Variants in CSMD3 observed in about 807,000 individuals in gnomAD.
CSMD3 encodes CUB and Sushi multiple domains 3.
CSMD3 carries 177 observed loss-of-function variants against 435.2 expected under a neutral mutation model. The observed-to-expected ratio is 0.41, with a 90% CI of 0.36 to 0.46. The LOEUF (loss-of-function observed/expected upper bound fraction) is 0.46, where lower values mean the gene tolerates loss of function less well. Ranked by LOEUF, CSMD3 falls within the 20% of genes least tolerant of loss-of-function variation. The pLI, the probability that CSMD3 is intolerant of heterozygous loss-of-function variation, is 0.34. For missense variants in CSMD3, 4,265 were observed against 4,504.6 expected, an observed-to-expected ratio of 0.95 and a Z score of 1.52; for synonymous variants, 1,656 against 1,520.5, an observed-to-expected ratio of 1.09 and a Z score of -2.07.
intron 16 of CSMD3, among the ~76,000 whole-genome samples, chr8:112,680,927 G>T (rs2075876468): frequency 6.6e-6 from 1 of 151,806 alleles, no homozygotes; most frequent in African/African-American, 2.4e-5. Flanking sequence ...ATAAGAAAAA[G>T]AAACTGCTTT....
chr8:112,746,309 C>A (rs1174984887), intron 13 of CSMD3, among the ~76,000 whole-genome samples: 1 of 152,060 alleles, frequency 6.6e-6, no homozygotes, highest in Non-Finnish European at 1.5e-5. Flanking sequence ...ATGGAAGTAG[C>A]TTCCTGGTCT....
At chr8:113,407,659 T>C (rs2094538747) in intron 1 of CSMD3, among the ~76,000 whole-genome samples, 1 of 151,948 alleles carries the variant, frequency 6.6e-6, no homozygotes, top group Non-Finnish European at 1.5e-5. Context: ...ATTTCCACTG[T>C]GGAAATATCA....
chr8:112,933,551 A>C (rs2083184925), intron 9 of CSMD3, among the ~76,000 whole-genome samples: 1 of 152,126 alleles, frequency 6.6e-6, no homozygotes, highest in South Asian at 2.1e-4. Flanking sequence ...ATAGCAATGG[A>C]GTGCATCACA....
chr8:112,555,354 G>T (rs927261993), intron 25 of CSMD3, among the ~76,000 whole-genome samples: 1 of 151,884 alleles, frequency 6.6e-6, no homozygotes, highest in African/African-American at 2.4e-5. Context: ...TTTAAAAACA[G>T]CATGGCAAGT....
intron 13 of CSMD3, among the ~76,000 whole-genome samples, chr8:112,710,484 T>C (rs543696988): frequency 7.2e-5 from 11 of 152,248 alleles, no homozygotes; most frequent in African/African-American, 2.6e-4. Flanking sequence ...ACTGGCCGAT[T>C]ATGTTTTTAA....
At chr8:112,944,015 C>T (rs553795819) in intron 9 of CSMD3, among the ~76,000 whole-genome samples, 23 of 151,688 alleles carry the variant, frequency 1.5e-4, no homozygotes, top group African/African-American at 5.5e-4. Context: ...AATTATAAAA[C>T]CAAGCAGATT....
intron 23 of CSMD3, among the ~76,000 whole-genome samples, chr8:112,582,439 T>C (rs1830400518): frequency 6.6e-6 from 1 of 151,326 alleles, no homozygotes; most frequent in South Asian, 2.1e-4. Flanking sequence ...TAATATAGCA[T>C]GCTTGGTATA....
intron 4 of CSMD3, among the ~76,000 whole-genome samples, chr8:113,118,773 T>A (rs2131626523): frequency 6.6e-6 from 1 of 152,336 alleles, no homozygotes. Flanking sequence ...CTAGAAGTTT[T>A]ATTTTTGTCA....
intron 7 of CSMD3, among the ~76,000 whole-genome samples, chr8:112,958,334 C>A (rs1427547921): frequency 6.6e-6 from 1 of 152,070 alleles, no homozygotes; most frequent in Non-Finnish European, 1.5e-5. Flanking sequence ...ATTACATGTT[C>A]AGTTTGACTG....
At position 112,976,137 on chromosome 8, in the gene CSMD3, A is replaced by ACC; in HGVS notation, c.1041_1042insGG (p.Leu348GlyfsTer2). Reference sequence around the variant, plus strand: ...TCACCAGTGGAGGTAGTGTGGGTCAATGTAGAAGAACCTGTGGGACACAGT... The same window carrying ACC: ...TCACCAGTGGAGGTAGTGTGGGTCAACCTGTAGAAGAACCTGTGGGACACAGT... On this transcript the variant is annotated frameshift_variant, in exon 7 of 71. Coordinates refer to ENST00000297405, the MANE Select transcript of CSMD3 (RefSeq NM_198123.2). LOFTEE classifies it high-confidence loss of function. 6.2e-7 allele frequency: 1 copy of ACC among 1,613,982 alleles called. No homozygotes were observed. Among genetic ancestry groups the ACC allele is most frequent in the East Asian group, 2.2e-5 (1 of 44,878 alleles).
chr8:112,398,423 G>A (rs1831033942), intron 35 of CSMD3, among the ~76,000 whole-genome samples: 1 of 152,138 alleles, frequency 6.6e-6, no homozygotes, highest in Admixed American at 6.5e-5. Context: ...TCATATTGGT[G>A]GCCCCACCTC....
chr8:112,448,770 A>C (rs958345458), intron 32 of CSMD3, among the ~76,000 whole-genome samples: 4 of 151,860 alleles, frequency 2.6e-5, no homozygotes, highest in East Asian at 1.9e-4. Flanking sequence ...AAAAAAAAAA[A>C]AAAAAAAACC....
intron 4 of CSMD3, among the ~76,000 whole-genome samples, chr8:113,129,443 G>A (rs774496844): frequency 6.6e-6 from 1 of 152,104 alleles, no homozygotes; most frequent in Non-Finnish European, 1.5e-5. Context: ...CTTTCCTACG[G>A]AACAGTATTA....
chr8:113,068,004 T>G (rs554336608), intron 5 of CSMD3, among the ~76,000 whole-genome samples: 1 of 152,136 alleles, frequency 6.6e-6, no homozygotes, highest in Non-Finnish European at 1.5e-5. Flanking sequence ...TTAGGTACTT[T>G]GAATAAAATT....
At position 112,390,721 on chromosome 8, in the gene CSMD3, A is replaced by G; in HGVS notation, c.5877T>C (p.Tyr1959=). 1 of 1,613,068 alleles carries G rather than the reference A, an allele frequency of 6.2e-7. No homozygotes were observed. The highest frequency in any genetic ancestry group is 1.3e-5 in the African/African-American group (1 of 75,042). ...TCCACACACAATTCAGATTGTTGTC[A>G]TAAGGCTCAGGGTATCCAGGTGACA... ...TILSPGYPEP[Y]DNNLNCVWKI... Residue 1959 remains tyrosine (Y), a synonymous_variant, in exon 36 of 71, where the codon TAT becomes TAC. Transcript: ENST00000297405.
At chr8:113,163,596 G>GC (rs1172926354) in intron 4 of CSMD3, among the ~76,000 whole-genome samples, 52 of 152,036 alleles carry the variant, frequency 3.4e-4, no homozygotes, top group African/African-American at 1.2e-3. Context: ...AAAAAATTAA[G>GC]ATAATATTAA....
intron 3 of CSMD3, among the ~76,000 whole-genome samples, chr8:113,253,078 G>A (rs1216755678): frequency 6.6e-6 from 1 of 152,058 alleles, no homozygotes; most frequent in Non-Finnish European, 1.5e-5. Flanking sequence ...TAAAAGAAAA[G>A]CACAGAATCC....
intron 2 of CSMD3, among the ~76,000 whole-genome samples, chr8:113,291,561 G>A (rs997364060): frequency 6.6e-6 from 1 of 151,776 alleles, no homozygotes; most frequent in East Asian, 1.9e-4. Flanking sequence ...CTAGTAGATA[G>A]ACTTTTTAAT....
chr8:113,223,639 T>TATATA (rs2092994494), intron 3 of CSMD3, among the ~76,000 whole-genome samples: 1 of 137,246 alleles, frequency 7.3e-6, no homozygotes, highest in African/African-American at 2.8e-5. Context: ...ATATATATAT[T>TATATA]TATCTTAAAA....
Sources: allele counts gnomAD v4.1 joint callset (sites outside exome capture counted in the v4.1 genomes callset), GRCh38; gene constraint gnomAD v4.1.1; transcripts MANE v1.5; gene names NCBI Gene and HGNC (gene_info 2026-07-23, HGNC 2026-07-21).